Variants in AMIGO3 observed in about 807,000 individuals in gnomAD.
The protein encoded by AMIGO3 is amphoterin-induced protein 3.
A neutral mutation model predicts 4.3 loss-of-function variants in AMIGO3; 6 were observed. The ratio of observed to expected loss-of-function variants is 1.39; its 90% CI spans 0.76 to 2.75. AMIGO3 has a LOEUF of 2.75. Among genes scored for constraint, AMIGO3 ranks in the 30% most tolerant of loss-of-function variants. The pLI is 0.00. For missense variants in AMIGO3, 771 were observed against 692.1 expected, an observed-to-expected ratio of 1.11 and a Z score of -1.28; for synonymous variants, 315 against 320.0, an observed-to-expected ratio of 0.98 and a Z score of 0.17.
rs751893232 is a variant in AMIGO3 at position 49,719,432 on chromosome 3, A to G, written c.34T>C (p.Cys12Arg). 1.9e-6 allele frequency: 3 copies of G among 1,613,520 alleles called. No homozygotes were observed. Among genetic ancestry groups the G allele is most frequent in the African/African-American group, 1.3e-5 (1 of 75,062 alleles). Reference sequence around the variant, plus strand: ...GTGCCTAACCCAACGCGCAGCATGCAGAGCAGTGTCCCCAGCAGCACCAAC... The same window carrying G: ...GTGCCTAACCCAACGCGCAGCATGCGGAGCAGTGTCCCCAGCAGCACCAAC... ...TWLVLLGTLL[C>R]MLRVGLGTPD... The change falls in exon 1 of 1, where the codon TGC (cysteine) becomes CGC (arginine). Residue 12 changes from cysteine (C) to arginine (R), a missense_variant. Transcript: ENST00000320431.
chr3:49,718,434 C>T lies in AMIGO3; in HGVS notation c.1032G>A (p.Glu344=), dbSNP rs750531309. ...GGCACACGAAGAGTCCCGCATGCTGCTCCTGTACGTTGCCTATGGCCAAGC... is the reference window on the plus strand; with the variant it reads ...GGCACACGAAGAGTCCCGCATGCTGTTCCTGTACGTTGCCTATGGCCAAGC... ...DGSLAIGNVQ[E]QHAGLFVCLA... The change falls in exon 1 of 1, where the codon GAG becomes GAA. Residue 344 remains glutamate (E), a synonymous_variant. Coordinates refer to ENST00000320431, the MANE Select transcript of AMIGO3 (RefSeq NM_198722.3). The T allele has an allele frequency of 3.7e-6, 6 of 1,613,008 alleles. No homozygotes were observed. Among genetic ancestry groups the T allele is most frequent in the Admixed American group, 1.7e-5 (1 of 60,022 alleles).
chr3:49,718,189 A>G lies in AMIGO3; in HGVS notation c.1277T>C (p.Leu426Pro). The change falls in exon 1 of 1, where the codon CTC becomes CCC. Residue 426 changes from leucine (L) to proline (P), a missense_variant. Transcript: ENST00000320431. ...TGAGGACTGTGCGCTCAGCTCTTGG[A>G]GCGGGCTGGGTGTTTGGGGCCAGCG... Reference protein sequence around the residue: ...CRRWPQTPSPLQELSAQSSVL... With the variant: ...CRRWPQTPSPPQELSAQSSVL... 3.7e-6 allele frequency: 6 copies of G among 1,612,826 alleles called. No homozygotes were observed. The highest frequency in any genetic ancestry group is 5.1e-6 in the Non-Finnish European group (6 of 1,179,870).
chr3:49,719,652 AG>A lies in AMIGO3; in HGVS notation c.-188del, dbSNP rs1292320347. Reference sequence around the variant, plus strand: ...GGTTGTGAGGCGGTGCGGCACTCTTAGCCGCGCTCCCTTCGGCTTCGCTAGC... The same window carrying A: ...GGTTGTGAGGCGGTGCGGCACTCTTACCGCGCTCCCTTCGGCTTCGCTAGC... On this transcript the variant is annotated 5_prime_UTR_variant, in exon 1 of 1. Coordinates refer to ENST00000320431, the MANE Select transcript of AMIGO3 (RefSeq NM_198722.3). 3 of 582,878 alleles carry A rather than the reference AG, an allele frequency of 5.1e-6. No individual in the cohort carries two copies. Among genetic ancestry groups the A allele is most frequent in the African/African-American group, 1.9e-5 (1 of 52,296 alleles). 36.1% of individuals were successfully genotyped at this position (582,878 alleles called of 1,614,324 possible). A position where few individuals can be genotyped will look rare whatever the true frequency, so the allele number is the denominator to read the frequency against.
rs2080308390 is a variant in AMIGO3, at chr3:49,718,644, C to G, written c.822G>C (p.Ser274=). 6.2e-7 allele frequency: 1 copy of G among 1,612,890 alleles called. No homozygotes were observed. Among genetic ancestry groups the G allele is most frequent in the Non-Finnish European group, 8.5e-7 (1 of 1,179,962 alleles). Residue 274 remains serine (S), a synonymous_variant, in exon 1 of 1, where the codon TCG becomes TCC. Transcript: ENST00000320431. ...FQHSRVFENC[S]SAPALGLERP... ...GCTCTAGGCCAAGAGCTGGGGCCGA[C>G]GAGCAGTTCTCAAAGACGCGGCTGT...
rs1160068059 is a variant in AMIGO3 at position 49,718,677 on chromosome 3, G to A, written c.789C>T (p.Phe263=). 1 of 1,613,026 alleles carries A rather than the reference G, an allele frequency of 6.2e-7. No individual in the cohort carries two copies. Among genetic ancestry groups the A allele is most frequent in the South Asian group, 1.1e-5 (1 of 91,080 alleles). Reference sequence around the variant, plus strand: ...TCTCAAAGACGCGGCTGTGCTGGAAGAAGCGCACGCGGGACGCGGGTACCT... The same window carrying A: ...TCTCAAAGACGCGGCTGTGCTGGAAAAAGCGCACGCGGGACGCGGGTACCT... ...AFKVPASRVR[F]FQHSRVFENC... is the part of the protein sequence containing the mutation. The change falls in exon 1 of 1, where the codon TTC becomes TTT. Residue 263 remains phenylalanine (F), a synonymous_variant. Transcript: ENST00000320431.
chr3:49,719,170 G>A lies in AMIGO3; in HGVS notation c.296C>T (p.Ala99Val). Reference protein sequence around the residue: ...ALHLDHNELDALGRGVFVNAS... With the variant: ...ALHLDHNELDVLGRGVFVNAS... ...GTTGACGAAGACGCCGCGACCCAGC[G>A]CATCTAGTTCGTTGTGGTCTAGGTG... Residue 99 changes from alanine to valine, a missense_variant, in exon 1 of 1, where the codon GCG becomes GTG. Ala to Val is a moderately conservative substitution (Grantham distance 64, BLOSUM62 0). Coordinates refer to ENST00000320431, the MANE Select transcript of AMIGO3 (RefSeq NM_198722.3). 1.2e-6 allele frequency: 2 copies of A among 1,613,526 alleles called. No individual in the cohort carries two copies. The highest frequency in any genetic ancestry group is 1.7e-6 in the Non-Finnish European group (2 of 1,179,994).
Position 49,718,368 on chromosome 3 carries a change from C to T in AMIGO3, c.1098G>A (p.Glu366=). The part of the protein sequence containing the change: ...GPRLHHNQTH[E]YNVSVHFPRP... ...GCGGAAAGTGCACGCTCACGTTGTA[C>T]TCGTGCGTCTGGTTGTGGTGCAGGC... The change falls in exon 1 of 1, where the codon GAG becomes GAA. Residue 366 remains glutamate, a synonymous_variant. Transcript: ENST00000320431. 1 of 1,613,404 alleles carries T rather than the reference C, an allele frequency of 6.2e-7. No individual in the cohort carries two copies. The highest frequency in any genetic ancestry group is 8.5e-7 in the Non-Finnish European group (1 of 1,179,960).
In AMIGO3 at chr3:49,718,883, G is replaced by A. The variant is rs2080316503; in HGVS notation, c.583C>T (p.Leu195=). ...AGCTCAGGTACGGAGATGTGTCCCA[G>A]CCGGTTGGAGGAGAGGTCCAGAGTA... is the stretch of plus-strand genomic sequence containing the variant. ...LLTLDLSSNR[L]GHISVPELAA... Residue 195 remains leucine (L), a synonymous_variant, in exon 1 of 1, where the codon CTG becomes TTG. Coordinates refer to ENST00000320431, the MANE Select transcript of AMIGO3 (RefSeq NM_198722.3). 6.2e-7 allele frequency: 1 copy of A among 1,613,504 alleles called. No individual in the cohort carries two copies.
Position 49,718,518 on chromosome 3 carries a change from C to G in AMIGO3, c.948G>C (p.Gln316His). 1 of 1,613,176 alleles carries G rather than the reference C, an allele frequency of 6.2e-7. No homozygotes were observed. The highest frequency in any genetic ancestry group is 8.5e-7 in the Non-Finnish European group (1 of 1,179,958). Residue 316 changes from glutamine (Q) to histidine (H), a missense_variant, in exon 1 of 1, where the codon CAG becomes CAC. Transcript: ENST00000320431. ...AMRIAWVSPQQELLRAPGSRD... is the reference protein window; with the variant it reads ...AMRIAWVSPQHELLRAPGSRD... Reference sequence around the variant, plus strand: ...GGGATCCTGGCGCCCTGAGAAGCTCCTGCTGCGGCGAAACCCAGGCAATGC... The same window carrying G: ...GGGATCCTGGCGCCCTGAGAAGCTCGTGCTGCGGCGAAACCCAGGCAATGC...
In AMIGO3 at chr3:49,719,037, G is replaced by T. The variant is rs763477260; in HGVS notation, c.429C>A (p.Asn143Lys). 4 of 1,613,898 alleles carry T rather than the reference G, an allele frequency of 2.5e-6. No individual in the cohort carries two copies. Among genetic ancestry groups the T allele is most frequent in the Middle Eastern group, 1.6e-4 (1 of 6,062 alleles). The change falls in exon 1 of 1, where the codon AAC becomes AAA. Residue 143 changes from asparagine to lysine, a missense_variant. By Grantham distance (94) the Asn-to-Lys change is moderately conservative (BLOSUM62 0). Coordinates refer to ENST00000320431, the MANE Select transcript of AMIGO3 (RefSeq NM_198722.3). ...CATGCTCGTCCAAGTGCACCAAGCG[G>T]TTATTGAACAGAAGCAGCTTCTCCA... is the stretch of plus-strand genomic sequence containing the variant. ...GALEKLLLFNNRLVHLDEHAF... is the reference protein window; with the variant it reads ...GALEKLLLFNKRLVHLDEHAF...
Position 49,718,727 on chromosome 3 carries a change from G to T in AMIGO3, c.739C>A (p.Arg247Ser), listed in dbSNP as rs562552673. ...TTGAAGGCCAAGCATACGTACTCGC[G>T]CGCAAAGTCGCGCACGGCGCTCAGG... The part of the protein sequence containing the change: ...RGLSAVRDFA[R>S]EYVCLAFKVP... The change falls in exon 1 of 1, where the codon CGC (arginine) becomes AGC (serine). Residue 247 changes from arginine (R) to serine (S), a missense_variant. Coordinates refer to ENST00000320431, the MANE Select transcript of AMIGO3 (RefSeq NM_198722.3). The T allele has an allele frequency of 4.3e-6, 7 of 1,612,968 alleles. No homozygotes were observed. In the East Asian group the frequency reaches 1.3e-4, roughly 31 times the overall value.
At position 49,718,803 on chromosome 3, in the gene AMIGO3, CA is replaced by C. The variant is rs775234438; in HGVS notation, c.662del (p.Leu221CysfsTer19). On this transcript the variant is annotated frameshift_variant, in exon 1 of 1. Transcript: ENST00000320431. LOFTEE classifies it low-confidence loss of function (END_TRUNC). ...KNGLYLHNNP[L>X]PCDCRLYHLL... ...GGTGGTAGAGGCGGCAGTCGCAAGG[CA>C]AAGGGTTGTTGTGCAAGTAGAGGCC... The C allele has an allele frequency of 6.2e-7, 1 of 1,613,200 alleles. No individual in the cohort carries two copies.
rs569856773 is a variant in AMIGO3 at position 49,719,655 on chromosome 3, C to T, written c.-190G>A. On this transcript the variant is annotated 5_prime_UTR_variant, in exon 1 of 1. Transcript: ENST00000320431. Reference sequence around the variant, plus strand: ...TGTGAGGCGGTGCGGCACTCTTAGCCGCGCTCCCTTCGGCTTCGCTAGCCC... The same window carrying T: ...TGTGAGGCGGTGCGGCACTCTTAGCTGCGCTCCCTTCGGCTTCGCTAGCCC... The T allele has an allele frequency of 1.7e-6, 1 of 580,054 alleles. No homozygotes were observed. Among genetic ancestry groups the T allele is most frequent in the Non-Finnish European group, 3.1e-6 (1 of 323,196 alleles). The allele number at this position is 580,054 out of a possible 1,614,324, so 35.9% of individuals were successfully genotyped here. A position where few individuals can be genotyped will look rare whatever the true frequency, so the allele number is the denominator to read the frequency against.
chr3:49,718,438 T>G lies in AMIGO3; in HGVS notation c.1028A>C (p.Gln343Pro), dbSNP rs1575543751. The G allele has an allele frequency of 6.2e-7, 1 of 1,612,884 alleles. No homozygotes were observed. The highest frequency in any genetic ancestry group is 1.1e-5 in the South Asian group (1 of 91,066). The change falls in exon 1 of 1, where the codon CAG becomes CCG. Residue 343 changes from glutamine to proline, a missense_variant. Physicochemically the swap from Gln to Pro is moderately conservative, Grantham distance 76 (BLOSUM62 -1). Transcript: ENST00000320431. ...CACGAAGAGTCCCGCATGCTGCTCC[T>G]GTACGTTGCCTATGGCCAAGCTGCC... ...ADGSLAIGNV[Q>P]EQHAGLFVCL...
In AMIGO3 at chr3:49,719,118, T is replaced by C; in HGVS notation, c.348A>G (p.Leu116=). 6.2e-7 allele frequency: 1 copy of C among 1,613,530 alleles called. No individual in the cohort carries two copies. The highest frequency in any genetic ancestry group is 8.5e-7 in the Non-Finnish European group (1 of 1,180,002). The part of the protein sequence containing the change: ...VNASGLRLLD[L]SSNTLRALGR... ...CAAGCGCCCGCAACGTGTTAGATGA[T>C]AGATCGAGCAGCCTCAGGCCGCTGG... Residue 116 remains leucine (L), a synonymous_variant, in exon 1 of 1, where the codon CTA becomes CTG. Transcript: ENST00000320431.
Position 49,718,844 on chromosome 3 carries a change from C to T in AMIGO3, c.622G>A (p.Ala208Thr). Residue 208 changes from alanine (A) to threonine (T), a missense_variant, in exon 1 of 1, where the codon GCC becomes ACC. Ala to Thr is a moderately conservative substitution (Grantham distance 58). Coordinates refer to ENST00000320431, the MANE Select transcript of AMIGO3 (RefSeq NM_198722.3). The part of the protein sequence containing the change: ...ISVPELAALP[A>T]FLKNGLYLHN... ...AAGTAGAGGCCGTTCTTGAGGAAGG[C>T]CGGCAGCGCGGCCAGCTCAGGTACG... 1 of 1,613,416 alleles carries T rather than the reference C, an allele frequency of 6.2e-7. No individual in the cohort carries two copies. The highest frequency in any genetic ancestry group is 8.5e-7 in the Non-Finnish European group (1 of 1,180,042).
Position 49,718,664 on chromosome 3 carries a change from G to A in AMIGO3, c.802C>T (p.Arg268Cys). 6.2e-7 allele frequency: 1 copy of A among 1,612,864 alleles called. No individual in the cohort carries two copies. Among genetic ancestry groups the A allele is most frequent in the Non-Finnish European group, 8.5e-7 (1 of 1,179,890 alleles). ...ASRVRFFQHS[R>C]VFENCSSAPA... ...GCCGACGAGCAGTTCTCAAAGACGC[G>A]GCTGTGCTGGAAGAAGCGCACGCGG... The change falls in exon 1 of 1, where the codon CGC (arginine) becomes TGC (cysteine). Residue 268 changes from arginine to cysteine, a missense_variant. Coordinates refer to ENST00000320431, the MANE Select transcript of AMIGO3 (RefSeq NM_198722.3).
Position 49,719,549 on chromosome 3 carries a change from T to G in AMIGO3, c.-84A>C. 1 of 1,216,846 alleles carries G rather than the reference T, an allele frequency of 8.2e-7. No individual in the cohort carries two copies. Among genetic ancestry groups the G allele is most frequent in the South Asian group, 1.5e-5 (1 of 68,832 alleles). 75.4% of individuals were successfully genotyped at this position (1,216,846 alleles called of 1,614,324 possible). On this transcript the variant is annotated 5_prime_UTR_variant, in exon 1 of 1. It removes an upstream start codon present in the reference 5' UTR. Transcript: ENST00000320431. ...CACCCTCTTCTGCTCTAGTGCGACATGGGTGGCACCGGATGGCCCTTGCCG... is the reference window on the plus strand; with the variant it reads ...CACCCTCTTCTGCTCTAGTGCGACAGGGGTGGCACCGGATGGCCCTTGCCG...
At position 49,718,072 on chromosome 3, in the gene AMIGO3, T is replaced by C. The variant is rs770472787; in HGVS notation, c.1394A>G (p.Asn465Ser). 13 of 1,613,498 alleles carry C rather than the reference T, an allele frequency of 8.1e-6. No individual in the cohort carries two copies. The highest frequency in any genetic ancestry group is 4.5e-5 in the East Asian group (2 of 44,890). ...AGCTACTGCCAGCTGCACGCGGCCA[T>C]TGAGGCCCCTCCGGCCTGGCTCCAG... ...VFLEPGRRGL[N>S]GRVQLAVAEE... The change falls in exon 1 of 1, where the codon AAT (asparagine) becomes AGT (serine). Residue 465 changes from asparagine to serine, a missense_variant. Asn to Ser is a conservative substitution (Grantham distance 46). Coordinates refer to ENST00000320431, the MANE Select transcript of AMIGO3 (RefSeq NM_198722.3).
Sources: allele counts gnomAD v4.1 joint callset, GRCh38; gene constraint gnomAD v4.1.1; transcripts MANE v1.5; gene names NCBI Gene and HGNC (gene_info 2026-07-23, HGNC 2026-07-21).